CASR: variants seen among roughly 807,000 people sequenced by gnomAD.
The protein encoded by CASR is calcium sensing receptor.
A neutral mutation model predicts 69.1 loss-of-function variants in CASR; 23 were observed. That is an observed-to-expected ratio of 0.33 (90% CI 0.24 to 0.47). The LOEUF is 0.47. CASR is among the 20% of genes least tolerant of loss of function. CASR has a pLI of 1.00. For missense variants in CASR, 924 were observed against 1,356.1 expected (o/e 0.68, Z 5.00); for synonymous variants, 541 against 544.7 (o/e 0.99, Z 0.10).
At position 122,285,089 on chromosome 3, in the gene CASR, G is replaced by A. The variant is rs765519865; in HGVS notation, c.3135G>A (p.Glu1045=). The A allele has an allele frequency of 3.1e-6, 5 of 1,614,112 alleles. No homozygotes were observed. In the African/African-American group the frequency reaches 4.0e-5, roughly 13 times the overall value. ...PVGGDQRPEV[E]DPEELSPALV... is the part of the protein sequence containing the mutation. ...GTGGAGACCAGCGGCCAGAGGTGGA[G>A]GACCCTGAAGAGTTGTCCCCAGCAC... The change falls in exon 7 of 7, where the codon GAG becomes GAA. Residue 1045 remains glutamate, a synonymous_variant. Transcript: ENST00000639785.
chr3:122,194,988 C>CCTCCGCCTCCTACTTCCTG (rs2073874621), intron 1 of CASR, among the ~76,000 whole-genome samples: 1 of 129,546 alleles, frequency 7.7e-6, no homozygotes, highest in Admixed American at 9.2e-5. Flanking sequence ...ACTTTTTCCT[C>CCTCCGCCTCCTACTTCCTG]CTCCTCCTCC....
chr3:122,268,559 C>T lies in CASR; in HGVS notation c.1377+6147C>T, dbSNP rs534242091. Among the ~76,000 whole-genome samples, 5 of 152,338 alleles carry T rather than the reference C, an allele frequency of 3.3e-5. No homozygotes were observed. The South Asian group carries it at 1.0e-3, about 32-fold the overall frequency. On this transcript the variant is annotated intron_variant, in intron 4 of 6. Coordinates refer to ENST00000639785, the MANE Select transcript of CASR (RefSeq NM_000388.4). ...AATTGTCCTGACACCTCGGTCCTTA[C>T]ACAAAGAGAAAGTATAGTGTGCAAA...
intron 3 of CASR, among the ~76,000 whole-genome samples, chr3:122,259,004 A>T (rs893499727): frequency 3.3e-5 from 5 of 152,280 alleles, no homozygotes; most frequent in Non-Finnish European, 7.4e-5. Context: ...TGGAACAAGC[A>T]GACCAGCTAG....
chr3:122,227,011 C>G (rs2107605586), intron 1 of CASR, among the ~76,000 whole-genome samples: 1 of 152,244 alleles, frequency 6.6e-6, no homozygotes. Context: ...TTCACAAACA[C>G]TGAGCTAGAC....
chr3:122,242,917 T>C (rs1029758041), intron 1 of CASR, among the ~76,000 whole-genome samples: 5 of 152,124 alleles, frequency 3.3e-5, no homozygotes, highest in Non-Finnish European at 5.9e-5. Flanking sequence ...AGAACATGCA[T>C]TGGAGAAAAG....
chr3:122,228,896 C>G (rs1051133131), intron 1 of CASR, among the ~76,000 whole-genome samples: 1 of 152,180 alleles, frequency 6.6e-6, no homozygotes, highest in Non-Finnish European at 1.5e-5. Flanking sequence ...CTCTCCTTTG[C>G]CTGTCCACAC....
chr3:122,274,880 A>G (rs1262604744), intron 4 of CASR, among the ~76,000 whole-genome samples: 1 of 152,176 alleles, frequency 6.6e-6, no homozygotes, highest in African/African-American at 2.4e-5. Flanking sequence ...CCTCACATGA[A>G]AGATAAGTGG....
At chr3:122,186,676 C>T (rs920720092) in intron 1 of CASR, among the ~76,000 whole-genome samples, 5 of 152,204 alleles carry the variant, frequency 3.3e-5, no homozygotes, top group South Asian at 2.1e-4. Context: ...AGGAAAGAAA[C>T]GAAGTTCTTT....
Position 122,254,237 on chromosome 3 carries a change from C to T in CASR, c.48C>T (p.His16=), listed in dbSNP as rs200520980. 2 of 1,613,874 alleles carry T rather than the reference C, an allele frequency of 1.2e-6. No homozygotes were observed. Among genetic ancestry groups the T allele is most frequent in the Non-Finnish European group, 8.5e-7 (1 of 1,180,020 alleles). ...GGGTCCTCTTGGCACTCACCTGGCA[C>T]ACCTCTGCCTACGGGCCAGACCAGC... ...CCWVLLALTW[H]TSAYGPDQRA... The change falls in exon 2 of 7, where the codon CAC becomes CAT. Residue 16 remains histidine (H), a synonymous_variant. Transcript: ENST00000639785.
At chr3:122,248,298 T>C (rs1469015116) in intron 1 of CASR, among the ~76,000 whole-genome samples, 2 of 152,232 alleles carry the variant, frequency 1.3e-5, no homozygotes, top group East Asian at 3.8e-4. Flanking sequence ...AAACCCATAT[T>C]GTGGATGTCT....
Position 122,290,150 on chromosome 3 carries a change from A to T in CASR, c.*4959A>T, listed in dbSNP as rs7621124. 54,026 of 151,648 alleles carry T rather than the reference A, an allele frequency of 0.36. 10,661 individuals carry two copies. The highest frequency in any genetic ancestry group is 0.53 in the African/African-American group (21,704 of 41,306). 9.4% of individuals were successfully genotyped at this position (151,648 alleles called of 1,614,324 possible). A position where few individuals can be genotyped will look rare whatever the true frequency, so the allele number is the denominator to read the frequency against. On this transcript the variant is annotated 3_prime_UTR_variant, in exon 7 of 7. Coordinates refer to ENST00000639785, the MANE Select transcript of CASR (RefSeq NM_000388.4). ...GCGGGGGGAATAATAGAGATACAGCACCAGCTCCCTGCCTCTAAAATGTGG... is the reference window on the plus strand; with the variant it reads ...GCGGGGGGAATAATAGAGATACAGCTCCAGCTCCCTGCCTCTAAAATGTGG...
chr3:122,251,546 A>G (rs983630414), intron 1 of CASR, among the ~76,000 whole-genome samples: 6 of 152,192 alleles, frequency 3.9e-5, no homozygotes, highest in Admixed American at 6.5e-5. Flanking sequence ...GCAATTAAGG[A>G]CATCTGAAAG....
chr3:122,210,081 CATACCTCAAA>C, intron 1 of CASR, among the ~76,000 whole-genome samples: 1 of 152,162 alleles, frequency 6.6e-6, no homozygotes, highest in Non-Finnish European at 1.5e-5. Flanking sequence ...ATTGATGGAA[CATACCTCAAA>C]AGAATAAGAG....
At chr3:122,184,616 G>A (rs1056231574) in intron 1 of CASR, 1 of 152,508 alleles carries the variant, frequency 6.6e-6, no homozygotes, top group African/African-American at 2.4e-5. Context: ...CAAGGGCTCC[G>A]GGCCGAACGA....
chr3:122,215,257 C>T (rs2074106207), intron 1 of CASR, among the ~76,000 whole-genome samples: 1 of 152,188 alleles, frequency 6.6e-6, no homozygotes, highest in African/African-American at 2.4e-5. Flanking sequence ...TGTGCACGAC[C>T]AAATGAATGT....
intron 6 of CASR, among the ~76,000 whole-genome samples, chr3:122,283,177 T>C (rs968175559): frequency 1.3e-5 from 2 of 152,208 alleles, no homozygotes; most frequent in African/African-American, 4.8e-5. Flanking sequence ...TAAATCACTC[T>C]CCATGTGAGA....
rs184192840 is a variant in CASR at position 122,268,130 on chromosome 3, A to G, written c.1377+5718A>G. ...GCCTTATGACCTTGGGCAGTCACTT[A>G]GTGTCCTTGTGCCTCACTTTTCTCT... On this transcript the variant is annotated intron_variant, in intron 4 of 6. Coordinates refer to ENST00000639785, the MANE Select transcript of CASR (RefSeq NM_000388.4). Among the ~76,000 whole-genome samples, 24 of 152,326 alleles carry G rather than the reference A, an allele frequency of 1.6e-4. No individual in the cohort carries two copies. In the East Asian group the frequency reaches 4.6e-3, roughly 29 times the overall value.
chr3:122,192,578 T>C (rs2073849622), intron 1 of CASR, among the ~76,000 whole-genome samples: 1 of 152,192 alleles, frequency 6.6e-6, no homozygotes, highest in Non-Finnish European at 1.5e-5. Flanking sequence ...AATAACAATC[T>C]TACACATTTG....
chr3:122,256,755 T>G (rs896642492), intron 2 of CASR, among the ~76,000 whole-genome samples: 5 of 152,150 alleles, frequency 3.3e-5, no homozygotes, highest in Admixed American at 3.3e-4. Context: ...GTAGCTGGGA[T>G]TACAGACACC....
Sources: allele counts gnomAD v4.1 joint callset (sites outside exome capture counted in the v4.1 genomes callset), GRCh38; gene constraint gnomAD v4.1.1; transcripts MANE v1.5; gene names NCBI Gene and HGNC (gene_info 2026-07-23, HGNC 2026-07-21).